The following FSTL4 variants were observed in gnomAD, a reference collection of about 807,000 sequenced individuals.
The protein encoded by FSTL4 is follistatin-related protein 4.
FSTL4 carries 28 observed loss-of-function variants against 78.2 expected under a neutral mutation model. The observed-to-expected ratio is 0.36, with a 90% CI of 0.27 to 0.49. The LOEUF is 0.49. FSTL4 is among the 20% of genes least tolerant of loss of function. FSTL4 has a pLI of 0.98. For missense variants in FSTL4, 922 were observed against 1,084.9 expected (o/e 0.85, Z 2.11); for synonymous variants, 422 against 440.5 (o/e 0.96, Z 0.53).
intron 3 of FSTL4, among the ~76,000 whole-genome samples, chr5:133,502,016 G>A (rs1758508317): frequency 6.6e-6 from 1 of 152,154 alleles, no homozygotes; most frequent in Non-Finnish European, 1.5e-5. Flanking sequence ...AGGGACACCT[G>A]GGGCTTCCAG....
chr5:133,639,489 A>G, the FSTL4 span, among the ~76,000 whole-genome samples: 30 of 152,254 alleles, frequency 2.0e-4, no homozygotes, highest in African/African-American at 6.5e-4. Context: ...AGCAGATGAG[A>G]AAGCCTTTGC....
At chr5:133,467,991 G>A (rs1044715183) in intron 3 of FSTL4, among the ~76,000 whole-genome samples, 8 of 152,214 alleles carry the variant, frequency 5.3e-5, no homozygotes, top group African/African-American at 1.2e-4. Flanking sequence ...CACAGGAGGC[G>A]CCTGGCAGAT....
the FSTL4 span, among the ~76,000 whole-genome samples, chr5:133,679,928 C>T: frequency 6.6e-6 from 1 of 152,098 alleles, no homozygotes; most frequent in Non-Finnish European, 1.5e-5. Flanking sequence ...CCAAGAAGTC[C>T]ACCCCATACT....
chr5:133,621,061 GTA>G, the FSTL4 span, among the ~76,000 whole-genome samples: 1 of 152,222 alleles, frequency 6.6e-6, no homozygotes, highest in South Asian at 2.1e-4. Context: ...AGAAACTGTC[GTA>G]TATATACACG....
chr5:133,614,757 T>G (rs941608525), upstream of FSTL4, among the ~76,000 whole-genome samples: 7 of 152,204 alleles, frequency 4.6e-5, no homozygotes, highest in African/African-American at 1.7e-4. Context: ...AAATAATGGT[T>G]AAGTTTTGAA....
At chr5:133,702,619 C>A in the FSTL4 span, among the ~76,000 whole-genome samples, 3 of 152,274 alleles carry the variant, frequency 2.0e-5, no homozygotes, top group South Asian at 6.2e-4. Flanking sequence ...TAGACTGGGG[C>A]TCCAGGGAAA....
intron 3 of FSTL4, among the ~76,000 whole-genome samples, chr5:133,491,874 C>A (rs1580743429): frequency 1.3e-5 from 2 of 152,092 alleles, no homozygotes; most frequent in East Asian, 3.8e-4. Flanking sequence ...AAACATATTA[C>A]TGATATATTC....
the FSTL4 span, among the ~76,000 whole-genome samples, chr5:133,767,817 T>C: frequency 6.6e-6 from 1 of 151,996 alleles, no homozygotes; most frequent in African/African-American, 2.4e-5. Flanking sequence ...AAAAGTAAGG[T>C]GGATGGGTCA....
intron 1 of FSTL4, among the ~76,000 whole-genome samples, chr5:133,609,499 A>G (rs1027164363): frequency 1.3e-5 from 2 of 152,210 alleles, no homozygotes; most frequent in African/African-American, 4.8e-5. Context: ...CCTAGTTTTG[A>G]TATGTGAGTG....
chr5:133,376,936 A>G (rs1755449996), intron 4 of FSTL4, among the ~76,000 whole-genome samples: 1 of 151,992 alleles, frequency 6.6e-6, no homozygotes, highest in Non-Finnish European at 1.5e-5. Flanking sequence ...AAAAACAGCA[A>G]GAGTCTTACT....
intron 3 of FSTL4, among the ~76,000 whole-genome samples, chr5:133,524,973 T>C (rs1759060432): frequency 6.6e-6 from 1 of 152,212 alleles, no homozygotes; most frequent in Non-Finnish European, 1.5e-5. Context: ...GAGGAGTCCC[T>C]GAACAGACAC....
Position 133,533,446 on chromosome 5 carries a change from A to G in FSTL4, c.160+33740T>C, listed in dbSNP as rs180870424. Among the ~76,000 whole-genome samples, 332 of 152,208 alleles carry G rather than the reference A, an allele frequency of 2.2e-3. 3 individuals are homozygous for G. The highest frequency in any genetic ancestry group is 7.2e-3 in the African/African-American group (301 of 41,530). On this transcript the variant is annotated intron_variant, in intron 3 of 15. Coordinates refer to ENST00000265342, the MANE Select transcript of FSTL4 (RefSeq NM_015082.2). The stretch of plus-strand genomic sequence containing the variant: ...TTTTTAGTAGAGGCAGGGTTTTGCC[A>G]TGTTGGCCAGGCTGGTCTTGAACTC...
intron 6 of FSTL4, among the ~76,000 whole-genome samples, chr5:133,263,664 G>C (rs1050531049): frequency 6.6e-6 from 1 of 152,200 alleles, no homozygotes; most frequent in African/African-American, 2.4e-5. Context: ...GCATTCTTTA[G>C]AAGGGTTTTG....
chr5:133,514,063 C>T (rs1045287381), intron 3 of FSTL4, among the ~76,000 whole-genome samples: 1 of 151,764 alleles, frequency 6.6e-6, no homozygotes, highest in African/African-American at 2.4e-5. Context: ...CCTGTAGTCC[C>T]AGCTACTCGA....
chr5:133,291,787 G>A (rs957817823), intron 6 of FSTL4, among the ~76,000 whole-genome samples: 16 of 150,964 alleles, frequency 1.1e-4, no homozygotes, highest in African/African-American at 3.2e-4. Flanking sequence ...GGGTGTGGAC[G>A]GAGCACAGAG....
At chr5:133,320,591 C>G (rs1042777982) in intron 4 of FSTL4, among the ~76,000 whole-genome samples, 7 of 152,242 alleles carry the variant, frequency 4.6e-5, no homozygotes, top group African/African-American at 1.7e-4. Flanking sequence ...AGATGTGAAG[C>G]TGGGCCCTCT....
chr5:133,525,116 T>C (rs890346089), intron 3 of FSTL4, among the ~76,000 whole-genome samples: 2 of 152,210 alleles, frequency 1.3e-5, no homozygotes, highest in African/African-American at 4.8e-5. Context: ...ACAGTCGATA[T>C]GTCAGTTTGA....
the FSTL4 span, among the ~76,000 whole-genome samples, chr5:133,664,305 T>C: frequency 6.7e-6 from 1 of 148,374 alleles, no homozygotes; most frequent in East Asian, 2.0e-4. Context: ...CATAGCCTGC[T>C]GATTCTTTTT....
At chr5:133,259,524 T>C (rs1300402352) in intron 6 of FSTL4, among the ~76,000 whole-genome samples, 4 of 150,026 alleles carry the variant, frequency 2.7e-5, no homozygotes, top group East Asian at 1.9e-4. Flanking sequence ...TTTTCTTTTT[T>C]TTTTTTTTTT....
Sources: gnomAD v4.1 joint callset for allele counts (sites outside exome capture counted in the v4.1 genomes callset) on GRCh38, gnomAD v4.1.1 for gene constraint, MANE v1.5 for transcripts, NCBI Gene and HGNC (gene_info 2026-07-23, HGNC 2026-07-21) for gene names.